Variants in PLCE1 observed in about 807,000 individuals in gnomAD.
PLCE1 encodes phospholipase C epsilon 1.
PLCE1 carries 119 observed loss-of-function variants against 242.8 expected under a neutral mutation model. That is an observed-to-expected ratio of 0.49 (90% CI 0.42 to 0.57). The LOEUF is 0.57. Ranked by LOEUF, PLCE1 falls within the 20% of genes least tolerant of loss-of-function variation. The pLI, the probability that PLCE1 is intolerant of heterozygous loss-of-function variation, is 0.00. For missense variants in PLCE1, 2,441 were observed against 2,788.8 expected (o/e 0.88, Z 2.81); for synonymous variants, 945 against 1,017.4 (o/e 0.93, Z 1.35).
At chr10:94,007,529 T>C in intron 1 of PLCE1, among the ~76,000 whole-genome samples, 1 of 151,298 alleles carries the variant, frequency 6.6e-6, no homozygotes, top group Admixed American at 6.6e-5. Context: ...GTTTAAAAAA[T>C]TATATTTTTA....
chr10:94,122,316 C>T (rs1356026406), intron 2 of PLCE1, among the ~76,000 whole-genome samples: 1 of 152,188 alleles, frequency 6.6e-6, no homozygotes, highest in African/African-American at 2.4e-5. Flanking sequence ...AGGCCTAATT[C>T]ATGGCCTGAC....
chr10:94,315,901 G>A (rs373570923), intron 28 of PLCE1, among the ~76,000 whole-genome samples: 3 of 62,568 alleles, frequency 4.8e-5, no homozygotes, highest in East Asian at 7.9e-4. Context: ...TGTGTAGATC[G>A]GAAAACAGTC....
intron 2 of PLCE1, among the ~76,000 whole-genome samples, chr10:94,051,285 T>TAAAAAA (rs1232966819): frequency 6.4e-5 from 1 of 15,716 alleles, no homozygotes; most frequent in Non-Finnish European, 9.1e-5. Context: ...AGACTCCAAC[T>TAAAAAA]CAAAAAAAAA....
At chr10:94,156,818 C>T (rs912139683) in intron 3 of PLCE1, among the ~76,000 whole-genome samples, 2 of 152,094 alleles carry the variant, frequency 1.3e-5, no homozygotes, top group Admixed American at 6.6e-5. Flanking sequence ...ACAAAAGACA[C>T]TCCTATCACT....
At chr10:94,136,085 A>G (rs759911294) in intron 3 of PLCE1, among the ~76,000 whole-genome samples, 1 of 152,260 alleles carries the variant, frequency 6.6e-6, no homozygotes, top group African/African-American at 2.4e-5. Context: ...AAGAGAAAAC[A>G]TGTTTGAAGT....
At chr10:94,073,718 T>C (rs1179854984) in intron 2 of PLCE1, among the ~76,000 whole-genome samples, 1 of 152,166 alleles carries the variant, frequency 6.6e-6, no homozygotes, top group African/African-American at 2.4e-5. Flanking sequence ...TTTCATGAAT[T>C]TGTTACCAAA....
At chr10:94,009,318 A>G (rs2061119050) in intron 1 of PLCE1, among the ~76,000 whole-genome samples, 1 of 152,114 alleles carries the variant, frequency 6.6e-6, no homozygotes. Flanking sequence ...ACTCATCACC[A>G]AGGGGATGGC....
intron 4 of PLCE1, among the ~76,000 whole-genome samples, chr10:94,182,636 AT>A (rs945053523): frequency 6.7e-4 from 101 of 149,814 alleles, no homozygotes; most frequent in African/African-American, 2.3e-3. Context: ...TTCTTTCTGT[AT>A]TTTTTTCATT....
intron 2 of PLCE1, among the ~76,000 whole-genome samples, chr10:94,085,486 G>A (rs984226562): frequency 6.6e-5 from 10 of 152,308 alleles, no homozygotes; most frequent in African/African-American, 2.4e-4. Context: ...GTGTTTGGGG[G>A]TAGAGCTGTG....
chr10:94,104,753 C>G (rs1009919041), intron 2 of PLCE1: 1 of 152,166 alleles, frequency 6.6e-6, no homozygotes, highest in Admixed American at 6.5e-5. Flanking sequence ...GTGCATTTGA[C>G]CTCTCACTCT....
intron 13 of PLCE1, 74 bp from the exon 14 acceptor site, chr10:94,262,420 A>G: frequency 1.0e-6 from 1 of 959,758 alleles, no homozygotes; most frequent in South Asian, 1.3e-5. Context: ...ATAACTCCAC[A>G]CCATTATCTC....
At chr10:94,187,046 T>C (rs948748919) in intron 4 of PLCE1, among the ~76,000 whole-genome samples, 1 of 151,982 alleles carries the variant, frequency 6.6e-6, no homozygotes, top group African/African-American at 2.4e-5. Flanking sequence ...AATTAAGACA[T>C]GGGGCTAAAA....
At position 94,284,848 on chromosome 10, in the gene PLCE1, G is replaced by A. The variant is rs371691449; in HGVS notation, c.4918G>A (p.Val1640Ile). The part of the protein sequence containing the change: ...ADNSACNKGK[V>I]YDMELGEEFY... The stretch of plus-strand genomic sequence containing the variant: ...AATGGTATCATTTTTCCCTTACCAG[G>A]TTTATGATATGGAACTGGGAGAAGA... Residue 1640 changes from valine to isoleucine, a missense_variant and splice_region_variant, in exon 22 of 33, where the codon GTT (valine) becomes ATT (isoleucine). Val to Ile is a conservative substitution (Grantham distance 29). Transcript: ENST00000371380. The A allele has an allele frequency of 1.3e-6, 2 of 1,531,108 alleles. No homozygotes were observed. Among genetic ancestry groups the A allele is most frequent in the South Asian group, 1.1e-5 (1 of 89,238 alleles). The allele number at this position is 1,531,108 out of a possible 1,614,324, so 94.8% of individuals were successfully genotyped here.
chr10:94,110,391 G>C (rs897520763), intron 2 of PLCE1, among the ~76,000 whole-genome samples: 1 of 152,066 alleles, frequency 6.6e-6, no homozygotes, highest in Non-Finnish European at 1.5e-5. Flanking sequence ...GGGTTGTCAA[G>C]GAAATAACCT....
intron 1 of PLCE1, among the ~76,000 whole-genome samples, chr10:94,002,663 A>G (rs1237511854): frequency 2.0e-5 from 3 of 152,194 alleles, no homozygotes; most frequent in Non-Finnish European, 4.4e-5. Context: ...AATACTTACA[A>G]TTGAGGGGAA....
chr10:94,230,610 G>A lies in PLCE1; in HGVS notation c.1955+3159G>A, dbSNP rs1219206411. 2.2e-5 allele frequency among the ~76,000 whole-genome samples: 3 copies of A among 136,210 alleles called. No individual in the cohort carries two copies. The South Asian group carries it at 7.6e-4, about 35-fold the overall frequency. 89.4% of individuals were successfully genotyped at this position (136,210 alleles called of 152,430 possible). ...AAAGTGCTAGGATTACAGGCATGAG[G>A]TAAAAAACAATTTTTTAAGAGATAA... On this transcript the variant is annotated intron_variant, in intron 5 of 32. Coordinates refer to ENST00000371380, the MANE Select transcript of PLCE1 (RefSeq NM_016341.4).
At chr10:94,165,762 C>T (rs2047782124) in intron 3 of PLCE1, among the ~76,000 whole-genome samples, 1 of 151,724 alleles carries the variant, frequency 6.6e-6, no homozygotes, top group South Asian at 2.1e-4. Context: ...GGTTGGAATG[C>T]AGTGGTGCCA....
chr10:94,277,177 A>T (rs12770848), intron 19 of PLCE1, among the ~76,000 whole-genome samples: 1 of 152,072 alleles, frequency 6.6e-6, no homozygotes, highest in African/African-American at 2.4e-5. Flanking sequence ...AGGTCTCCTA[A>T]CTATACCCCA....
At position 94,279,740 on chromosome 10, in the gene PLCE1, T is replaced by C. The variant is rs561213718; in HGVS notation, c.4666-42T>C. On this transcript the variant is annotated intron_variant, in intron 19 of 32. Coordinates refer to ENST00000371380, the MANE Select transcript of PLCE1 (RefSeq NM_016341.4). ...GTTTTAAAGGTTATAAATGAATTCA[T>C]TAACTTGGCATCTGCAGTTTACAAT... 9 of 1,607,790 alleles carry C rather than the reference T, an allele frequency of 5.6e-6. No homozygotes were observed. In the East Asian group the frequency reaches 8.9e-5, roughly 16 times the overall value.
Sources: allele counts gnomAD v4.1 joint callset (sites outside exome capture counted in the v4.1 genomes callset), GRCh38; gene constraint gnomAD v4.1.1; transcripts MANE v1.5; gene names NCBI Gene and HGNC (gene_info 2026-07-23, HGNC 2026-07-21).